Variants in RBM24 observed in about 807,000 individuals in gnomAD.
RBM24 encodes the protein RNA binding motif protein 24.
A neutral mutation model predicts 23.6 loss-of-function variants in RBM24; 5 were observed. The observed-to-expected ratio is 0.21, with a 90% CI of 0.11 to 0.45. The LOEUF is 0.45. RBM24 is among the 20% of genes least tolerant of loss of function. The pLI is 0.99. For missense variants in RBM24, 252 were observed against 314.6 expected, an observed-to-expected ratio of 0.80 and a Z score of 1.51; for synonymous variants, 151 against 129.5, an observed-to-expected ratio of 1.17 and a Z score of -1.13.
intron 1 of RBM24, chr6:17,282,559 G>C (rs1031937867): frequency 2.7e-5 from 15 of 560,152 alleles, no homozygotes; most frequent in South Asian, 2.3e-4. Flanking sequence ...GCGGTGGGGT[G>C]GGGGGAGGCA....
chr6:17,290,530 A>G (rs565894152), intron 3 of RBM24, among the ~76,000 whole-genome samples: 115 of 152,294 alleles, frequency 7.6e-4, no homozygotes, highest in African/African-American at 2.6e-3. Context: ...GTCTTGTATT[A>G]TCTGTGAATG....
intron 1 of RBM24, chr6:17,282,451 C>G: frequency 4.1e-6 from 2 of 486,364 alleles, no homozygotes; most frequent in Non-Finnish European, 7.8e-6. Context: ...TGAGTAGGGA[C>G]CTGGGGGGCG....
At chr6:17,287,607 G>A (rs12190557) in intron 3 of RBM24, among the ~76,000 whole-genome samples, 22,176 of 151,866 alleles carry the variant, frequency 0.15, 1,882 homozygotes, top group Middle Eastern at 0.3. Context: ...TTGAGAGGGC[G>A]AGACCATCCT....
Position 17,292,107 on chromosome 6 carries a change from C to T in RBM24, c.699C>T (p.Asp233=), listed in dbSNP as rs760595660. 1 of 1,536,752 alleles carries T rather than the reference C, an allele frequency of 6.5e-7. No individual in the cohort carries two copies. The highest frequency in any genetic ancestry group is 8.7e-7 in the Non-Finnish European group (1 of 1,145,862). ...ACCAGCCTCAGCAGCTGCAGACAGACCGAATGCAATAGACCAGCCATCTGA... is the reference window on the plus strand; with the variant it reads ...ACCAGCCTCAGCAGCTGCAGACAGATCGAATGCAATAGACCAGCCATCTGA... The part of the protein sequence containing the change: ...GQYQPQQLQT[D]RMQ Residue 233 remains aspartate, a synonymous_variant, in exon 4 of 4, where the codon GAC becomes GAT. Transcript: ENST00000379052.
At chr6:17,289,992 TAAG>T (rs1348918622) in intron 3 of RBM24, 3 of 1,289,266 alleles carry the variant, frequency 2.3e-6, no homozygotes, top group Non-Finnish European at 3.0e-6. Context: ...GACAAGCAGT[TAAG>T]AACATCTCTG....
rs1315667904 is a variant in RBM24 at position 17,284,700 on chromosome 6, A to G, written c.336A>G (p.Gln112=). 1 of 1,611,054 alleles carries G rather than the reference A, an allele frequency of 6.2e-7. No individual in the cohort carries two copies. The highest frequency in any genetic ancestry group is 8.5e-7 in the Non-Finnish European group (1 of 1,178,756). ...GVQQLHPALI[Q]RPFGIPAHYV... Reference sequence around the variant, plus strand: ...AACAACTTCATCCAGCCCTTATACAAAGACCTTTCGGGTAAGTTGATTAAT... The same window carrying G: ...AACAACTTCATCCAGCCCTTATACAGAGACCTTTCGGGTAAGTTGATTAAT... The change falls in exon 3 of 4, where the codon CAA becomes CAG. Residue 112 remains glutamine, a synonymous_variant. Coordinates refer to ENST00000379052, the MANE Select transcript of RBM24 (RefSeq NM_001143942.2).
chr6:17,292,225 A>AAAC lies in RBM24; in HGVS notation c.*108_*109insCAA, dbSNP rs1581438922. 1.8e-6 allele frequency: 2 copies of AAAC among 1,106,288 alleles called. No homozygotes were observed. Among genetic ancestry groups the AAAC allele is most frequent in the East Asian group, 4.9e-5 (2 of 41,122 alleles). The allele number at this position is 1,106,288 out of a possible 1,614,324, so 68.5% of individuals were successfully genotyped here. A position where few individuals can be genotyped will look rare whatever the true frequency, so the allele number is the denominator to read the frequency against. ...CATTGACTTAACAGCTTTAAAAAAA[A>AAAC]AAACAGCCATGCTATTGTGAAGCAG... On this transcript the variant is annotated 3_prime_UTR_variant, in exon 4 of 4. Transcript: ENST00000379052.
chr6:17,284,213 T>G (rs936437584), intron 2 of RBM24, among the ~76,000 whole-genome samples: 2 of 152,206 alleles, frequency 1.3e-5, no homozygotes, highest in Admixed American at 1.3e-4. Context: ...CATTTTTTTT[T>G]GTGAATTTTT....
intron 3 of RBM24, chr6:17,288,243 A>C (rs143776811): frequency 1.0e-6 from 1 of 985,278 alleles, no homozygotes; most frequent in African/African-American, 1.7e-5. Flanking sequence ...ACAAAACTCT[A>C]TTCTCTCATA....
chr6:17,289,618 C>T, intron 3 of RBM24: 2 of 985,402 alleles, frequency 2.0e-6, no homozygotes, highest in South Asian at 9.4e-5. Context: ...ACCAACCTAG[C>T]ACCCACAGTG....
rs940352983 is a variant in RBM24 at position 17,290,107 on chromosome 6, C to A, written c.348-1649C>A. On this transcript the variant is annotated intron_variant, in intron 3 of 3. Transcript: ENST00000379052. ...TATTTTTATCATTGGGGCCAAAGTC[C>A]ACTACCCTCTGAGATAAATTCATCT... 1.3e-5 allele frequency: 17 copies of A among 1,285,598 alleles called. No homozygotes were observed. In the East Asian group the frequency reaches 8.9e-4, roughly 67 times the overall value. 79.6% of individuals were successfully genotyped at this position (1,285,598 alleles called of 1,614,324 possible).
At chr6:17,282,970 C>A in intron 2 of RBM24, 42 bp downstream of exon 2, 1 of 1,406,294 alleles carries the variant, frequency 7.1e-7, no homozygotes. Flanking sequence ...TCCAAGAACC[C>A]CCCATTTATG....
Position 17,292,193 on chromosome 6 carries a change from G to C in RBM24, c.*74G>C. On this transcript the variant is annotated 3_prime_UTR_variant, in exon 4 of 4. Transcript: ENST00000379052. ...TTCCAATTTTTAGTAGCTAATAAGA[G>C]AGTTAACATTGACTTAACAGCTTTA... is the stretch of plus-strand genomic sequence containing the variant. The C allele has an allele frequency of 7.4e-7, 1 of 1,353,672 alleles. No individual in the cohort carries two copies. Among genetic ancestry groups the C allele is most frequent in the East Asian group, 2.4e-5 (1 of 42,430 alleles). 83.9% of individuals were successfully genotyped at this position (1,353,672 alleles called of 1,614,324 possible). A position where few individuals can be genotyped will look rare whatever the true frequency, so the allele number is the denominator to read the frequency against.
At chr6:17,287,787 C>T (rs1561735882) in intron 3 of RBM24, among the ~76,000 whole-genome samples, 1 of 151,118 alleles carries the variant, frequency 6.6e-6, no homozygotes, top group Non-Finnish European at 1.5e-5. Context: ...CCAGCCTGGG[C>T]GACAGAGCGA....
chr6:17,290,385 A>G (rs1188364306), intron 3 of RBM24, among the ~76,000 whole-genome samples: 1 of 152,260 alleles, frequency 6.6e-6, no homozygotes, highest in Non-Finnish European at 1.5e-5. Context: ...TAAATCAGAT[A>G]TTTATGGTAG....
At chr6:17,287,907 T>G (rs2113405550) in intron 3 of RBM24, among the ~76,000 whole-genome samples, 1 of 152,336 alleles carries the variant, frequency 6.6e-6, no homozygotes, top group South Asian at 2.1e-4. Context: ...CTCAGTTTTA[T>G]GCTGGGTGTG....
chr6:17,292,334 CAATCCCAAAGAGCCTG>C lies in RBM24; in HGVS notation c.*217_*232del. On this transcript the variant is annotated 3_prime_UTR_variant, in exon 4 of 4. Coordinates refer to ENST00000379052, the MANE Select transcript of RBM24 (RefSeq NM_001143942.2). ...GGGGAATGGGCACAATTTTGGAAAT[CAATCCCAAAGAGCCTG>C]AGTAAATGAAAGGCCACTACGAAAT... The C allele has an allele frequency of 2.7e-6, 1 of 368,388 alleles. No homozygotes were observed. The highest frequency in any genetic ancestry group is 4.2e-5 in the East Asian group (1 of 23,900). 22.8% of individuals were successfully genotyped at this position (368,388 alleles called of 1,614,324 possible).
In RBM24 at chr6:17,293,687, A is replaced by G. The variant is rs1234856296; in HGVS notation, c.*1568A>G. On this transcript the variant is annotated 3_prime_UTR_variant, in exon 4 of 4. Coordinates refer to ENST00000379052, the MANE Select transcript of RBM24 (RefSeq NM_001143942.2). ...TGAACAATTTCATACAAGGGAAGACAGGTTAGCATTTTTATGGACTTTCTC... is the reference window on the plus strand; with the variant it reads ...TGAACAATTTCATACAAGGGAAGACGGGTTAGCATTTTTATGGACTTTCTC... 1 of 152,628 alleles carries G rather than the reference A, an allele frequency of 6.6e-6. No individual in the cohort carries two copies. Among genetic ancestry groups the G allele is most frequent in the Non-Finnish European group, 1.5e-5 (1 of 68,032 alleles). 9.5% of individuals were successfully genotyped at this position (152,628 alleles called of 1,614,324 possible). A position where few individuals can be genotyped will look rare whatever the true frequency, so the allele number is the denominator to read the frequency against.
At chr6:17,283,150 G>T (rs1007751772) in intron 2 of RBM24, 4 of 505,870 alleles carry the variant, frequency 7.9e-6, no homozygotes, top group African/African-American at 1.9e-5. Context: ...CTTGGGGGTC[G>T]TGCAGGAAGA....
Sources: allele counts gnomAD v4.1 joint callset (sites outside exome capture counted in the v4.1 genomes callset), GRCh38; gene constraint gnomAD v4.1.1; transcripts MANE v1.5; gene names NCBI Gene and HGNC (gene_info 2026-07-23, HGNC 2026-07-21).